Variants in UCK2 observed in about 807,000 individuals in gnomAD.
The protein encoded by UCK2 is uridine-cytidine kinase 2.
A neutral mutation model predicts 30.8 loss-of-function variants in UCK2; 6 were observed. The observed-to-expected ratio is 0.19, with a 90% CI of 0.11 to 0.38. The LOEUF is 0.38. UCK2 is among the 10% of genes least tolerant of loss of function. The pLI is 1.00. For synonymous variants in UCK2, 125 were observed against 133.6 expected, an observed-to-expected ratio of 0.94 and a Z score of 0.45; for missense variants, 210 against 339.8, an observed-to-expected ratio of 0.62 and a Z score of 3.00.
At chr1:165,870,693 A>G (rs1174218217) in intron 1 of UCK2, among the ~76,000 whole-genome samples, 1 of 152,254 alleles carries the variant, frequency 6.6e-6, no homozygotes, top group Non-Finnish European at 1.5e-5. Flanking sequence ...GAACCATTTC[A>G]AGTGACGTGG....
At chr1:165,860,813 A>G (rs995541106) in intron 1 of UCK2, among the ~76,000 whole-genome samples, 3 of 152,134 alleles carry the variant, frequency 2.0e-5, no homozygotes, top group African/African-American at 7.2e-5. Flanking sequence ...TGTTTCTATT[A>G]TAATCCTTAG....
Position 165,908,038 on chromosome 1 carries a change from C to A in UCK2, c.*215C>A. 1 of 568,910 alleles carries A rather than the reference C, an allele frequency of 1.8e-6. No homozygotes were observed. The highest frequency in any genetic ancestry group is 2.9e-6 in the Non-Finnish European group (1 of 343,842). 35.2% of individuals were successfully genotyped at this position (568,910 alleles called of 1,614,324 possible). A position where few individuals can be genotyped will look rare whatever the true frequency, so the allele number is the denominator to read the frequency against. Reference sequence around the variant, plus strand: ...AGCTTAAATAACAAAACTGTGCCAACTACTACTGGTGATGCCTAATTATGA... The same window carrying A: ...AGCTTAAATAACAAAACTGTGCCAAATACTACTGGTGATGCCTAATTATGA... On this transcript the variant is annotated 3_prime_UTR_variant, in exon 7 of 7. Transcript: ENST00000367879.
At chr1:165,890,419 T>C (rs2101881411) in intron 2 of UCK2, 56 bp downstream of exon 2, 1 of 1,571,176 alleles carries the variant, frequency 6.4e-7, no homozygotes, top group Non-Finnish European at 8.7e-7. Context: ...GGGGGAATAG[T>C]TTTATTTTGC....
At chr1:165,839,774 C>A (rs1019383547) in intron 1 of UCK2, among the ~76,000 whole-genome samples, 1 of 152,104 alleles carries the variant, frequency 6.6e-6, no homozygotes, top group African/African-American at 2.4e-5. Context: ...GAGATGATGT[C>A]TGGTTTGGAG....
intron 1 of UCK2, among the ~76,000 whole-genome samples, chr1:165,847,057 G>T (rs1457804384): frequency 6.6e-6 from 1 of 152,034 alleles, no homozygotes; most frequent in Non-Finnish European, 1.5e-5. Context: ...TGCTGCTGCT[G>T]TGAAGTGTGT....
chr1:165,835,575 G>A (rs1448881874), intron 1 of UCK2, among the ~76,000 whole-genome samples: 1 of 151,948 alleles, frequency 6.6e-6, no homozygotes, highest in African/African-American at 2.4e-5. Context: ...CTGATATATT[G>A]TAAATATACA....
At chr1:165,846,511 C>T (rs1475808726) in intron 1 of UCK2, among the ~76,000 whole-genome samples, 1 of 152,122 alleles carries the variant, frequency 6.6e-6, no homozygotes, top group Non-Finnish European at 1.5e-5. Flanking sequence ...TTCTGTTTCT[C>T]TCTGGTGGTA....
intron 4 of UCK2, chr1:165,897,905 G>C (rs1455621346): frequency 6.6e-6 from 1 of 152,196 alleles, no homozygotes; most frequent in Non-Finnish European, 1.5e-5. Context: ...GCCCTTCCCA[G>C]CTAGCTTTGT....
chr1:165,844,100 C>T (rs1654391695), intron 1 of UCK2, among the ~76,000 whole-genome samples: 1 of 152,144 alleles, frequency 6.6e-6, no homozygotes, highest in African/African-American at 2.4e-5. Flanking sequence ...AAGACTGTAG[C>T]ACCAAGGAGT....
In UCK2 at chr1:165,891,526, T is replaced by G. The variant is rs574379329; in HGVS notation, c.356+204T>G. 2.5e-5 allele frequency: 14 copies of G among 556,276 alleles called. No individual in the cohort carries two copies. In the Admixed American group the frequency reaches 4.5e-4, roughly 18 times the overall value. 34.5% of individuals were successfully genotyped at this position (556,276 alleles called of 1,614,324 possible). A position where few individuals can be genotyped will look rare whatever the true frequency, so the allele number is the denominator to read the frequency against. ...GAGGTTGGGGAGTTCATCTGAGCGCTCCCTGGAACAGTCCTGTTGTCACGA... is the reference window on the plus strand; with the variant it reads ...GAGGTTGGGGAGTTCATCTGAGCGCGCCCTGGAACAGTCCTGTTGTCACGA... On this transcript the variant is annotated intron_variant, in intron 3 of 6. Coordinates refer to ENST00000367879, the MANE Select transcript of UCK2 (RefSeq NM_012474.5).
At chr1:165,869,178 C>CA (rs1454263223) in intron 1 of UCK2, among the ~76,000 whole-genome samples, 1 of 151,988 alleles carries the variant, frequency 6.6e-6, no homozygotes, top group Admixed American at 6.6e-5. Context: ...ATAGTAATGT[C>CA]AAAGATCACT....
chr1:165,887,686 A>C (rs1165630928), intron 1 of UCK2, among the ~76,000 whole-genome samples: 1 of 152,150 alleles, frequency 6.6e-6, no homozygotes, highest in Admixed American at 6.5e-5. Flanking sequence ...AAACGTCCTA[A>C]GATAGATGCC....
chr1:165,834,366 A>G (rs1165912192), intron 1 of UCK2, among the ~76,000 whole-genome samples: 1 of 152,164 alleles, frequency 6.6e-6, no homozygotes, highest in Non-Finnish European at 1.5e-5. Context: ...TGGGAGACTC[A>G]AGTGGGAGGA....
intron 1 of UCK2, among the ~76,000 whole-genome samples, chr1:165,831,805 A>G (rs546962455): frequency 4.6e-5 from 7 of 151,870 alleles, no homozygotes; most frequent in Non-Finnish European, 1.0e-4. Flanking sequence ...TCACTCTGTC[A>G]CTCAGGCTGG....
At chr1:165,874,316 A>G (rs1254965450) in intron 1 of UCK2, among the ~76,000 whole-genome samples, 1 of 152,178 alleles carries the variant, frequency 6.6e-6, no homozygotes, top group Non-Finnish European at 1.5e-5. Context: ...AATAGGGATG[A>G]CACCATGTTT....
intron 1 of UCK2, among the ~76,000 whole-genome samples, chr1:165,870,017 A>G (rs1467797157): frequency 2.0e-5 from 3 of 151,968 alleles, no homozygotes; most frequent in South Asian, 2.1e-4. Flanking sequence ...TGCTTTCAGT[A>G]TTACATGTAA....
At chr1:165,879,081 C>T (rs1197455555) in intron 1 of UCK2, among the ~76,000 whole-genome samples, 2 of 152,192 alleles carry the variant, frequency 1.3e-5, no homozygotes, top group Admixed American at 1.3e-4. Context: ...AACATCTTTC[C>T]ATATGCTTAT....
intron 4 of UCK2, chr1:165,902,592 A>ATTATTTTTTTTTTT (rs1647514305): frequency 2.2e-5 from 1 of 45,758 alleles, no homozygotes; most frequent in Non-Finnish European, 3.8e-5. Flanking sequence ...TCACTGAGTG[A>ATTATTTTTTTTTTT]TTTTTTTTTT....
At chr1:165,857,043 A>G (rs1048410208) in intron 1 of UCK2, among the ~76,000 whole-genome samples, 3 of 151,966 alleles carry the variant, frequency 2.0e-5, no homozygotes, top group Non-Finnish European at 4.4e-5. Flanking sequence ...CGAAGAAAGG[A>G]CTTATAGTTA....
Sources: gnomAD v4.1 joint callset for allele counts (sites outside exome capture counted in the v4.1 genomes callset) on GRCh38, gnomAD v4.1.1 for gene constraint, MANE v1.5 for transcripts, NCBI Gene and HGNC (gene_info 2026-07-23, HGNC 2026-07-21) for gene names.